Variants in FLNB observed in about 807,000 individuals in gnomAD.
FLNB encodes the protein filamin B, also known as filamin-B.
In FLNB, 111 loss-of-function variants were observed where a neutral mutation model predicts 250.6. The ratio of observed to expected loss-of-function variants is 0.44; its 90% CI spans 0.38 to 0.52. The LOEUF is 0.52. FLNB is among the 20% of genes least tolerant of loss of function. The pLI, the probability that FLNB is intolerant of heterozygous loss-of-function variation, is 0.00. For missense variants in FLNB, 2,869 were observed against 3,447.8 expected (o/e 0.83, Z 4.20); for synonymous variants, 1,302 against 1,372.1 (o/e 0.95, Z 1.13).
intron 8 of FLNB, among the ~76,000 whole-genome samples, chr3:58,101,236 C>T (rs565678376): frequency 4.6e-5 from 7 of 152,256 alleles, no homozygotes; most frequent in African/African-American, 1.2e-4. Context: ...AATTACCTTC[C>T]GTCTGTGGAG....
chr3:58,101,256 G>A (rs140437000), intron 8 of FLNB, among the ~76,000 whole-genome samples: 21 of 152,256 alleles, frequency 1.4e-4, no homozygotes, highest in East Asian at 1.9e-4. Flanking sequence ...GTAGAGTCCC[G>A]TCTTCTGGAG....
chr3:58,021,837 C>T (rs532154973), intron 1 of FLNB, among the ~76,000 whole-genome samples: 13 of 152,012 alleles, frequency 8.6e-5, no homozygotes, highest in Non-Finnish European at 1.2e-4. Context: ...TGCAGTGGTG[C>T]CATCACAGCT....
intron 35 of FLNB, 36 bp from the exon 36 acceptor site, chr3:58,148,613 A>T (rs2097339829): frequency 6.4e-7 from 1 of 1,563,370 alleles, no homozygotes; most frequent in African/African-American, 1.4e-5. Context: ...CCTCTCCGCC[A>T]TCCCCTTACA....
Position 58,157,649 on chromosome 3 carries a change from T to C in FLNB, c.6888+1574T>C, listed in dbSNP as rs374663453. Among the ~76,000 whole-genome samples, 46 of 152,318 alleles carry C rather than the reference T, an allele frequency of 3.0e-4. No individual in the cohort carries two copies. The South Asian group carries it at 4.1e-3, about 14-fold the overall frequency. ...CTTAACTAAAACCTACGGAGGGAGA[T>C]AAACCCAGCACTTATTGAGGGCAGG... On this transcript the variant is annotated intron_variant, in intron 41 of 45. Transcript: ENST00000295956.
chr3:58,016,774 T>C (rs2106693588), intron 1 of FLNB, among the ~76,000 whole-genome samples: 1 of 152,304 alleles, frequency 6.6e-6, no homozygotes, highest in East Asian at 1.9e-4. Flanking sequence ...GCTGGATCTG[T>C]AATTGTAACA....
chr3:58,148,784 A>T lies in FLNB; in HGVS notation c.6023A>T (p.Tyr2008Phe), dbSNP rs1386999602. 1 of 1,614,082 alleles carries T rather than the reference A, an allele frequency of 6.2e-7. No homozygotes were observed. Among genetic ancestry groups the T allele is most frequent in the Non-Finnish European group, 8.5e-7 (1 of 1,180,012 alleles). Residue 2008 changes from tyrosine to phenylalanine, a missense_variant, in exon 36 of 46, where the codon TAT becomes TTT. By Grantham distance (22) the Tyr-to-Phe change is conservative. This residue lies in a region of FLNB where 1,084 missense variants were observed against 1,315.5 expected (regional missense o/e 0.82). Coordinates refer to ENST00000295956, the MANE Select transcript of FLNB (RefSeq NM_001457.4). ...GGTGACGCCCGCCGAGCCAAAGTCT[A>T]TGGCCGCGGCCTGTCAGAAGGCCGG... is the stretch of plus-strand genomic sequence containing the variant. ...EIGDARRAKV[Y>F]GRGLSEGRTF...
intron 2 of FLNB, chr3:58,078,476 C>T: frequency 1.3e-6 from 2 of 1,536,114 alleles, no homozygotes; most frequent in Middle Eastern, 1.7e-4. Flanking sequence ...AATGGATAAT[C>T]CCCATCTTCA....
At chr3:58,124,939 A>T (rs1325503765) in intron 22 of FLNB, among the ~76,000 whole-genome samples, 1 of 152,010 alleles carries the variant, frequency 6.6e-6, no homozygotes, top group Admixed American at 6.6e-5. Context: ...CTTCTTGTGG[A>T]TGCCTGTTTC....
At chr3:58,041,556 C>T (rs1448959990) in intron 1 of FLNB, among the ~76,000 whole-genome samples, 1 of 152,148 alleles carries the variant, frequency 6.6e-6, no homozygotes, top group Non-Finnish European at 1.5e-5. Context: ...TGGGACTAGC[C>T]CATGAGCTGT....
chr3:58,149,743 T>A, intron 36 of FLNB, 107 bp from the exon 37 acceptor site: 6 of 1,420,052 alleles, frequency 4.2e-6, no homozygotes, highest in East Asian at 2.3e-5. Flanking sequence ...CTTTCTGCTA[T>A]GTAGAAATAG....
chr3:58,060,046 A>T (rs1038894622), intron 1 of FLNB, among the ~76,000 whole-genome samples: 7 of 152,176 alleles, frequency 4.6e-5, no homozygotes, highest in African/African-American at 1.4e-4. Flanking sequence ...GTTCCTCATA[A>T]AGCAGCTGTA....
chr3:58,067,340 A>G (rs1003142242), intron 1 of FLNB, among the ~76,000 whole-genome samples: 1 of 152,048 alleles, frequency 6.6e-6, no homozygotes, highest in African/African-American at 2.4e-5. Flanking sequence ...TATTAACTGA[A>G]CCCTTGACAC....
chr3:58,130,951 AG>A lies in FLNB; in HGVS notation c.4390+45del, dbSNP rs892832349. 7.6e-6 allele frequency: 12 copies of A among 1,575,118 alleles called. No homozygotes were observed. In the African/African-American group the frequency reaches 8.1e-5, roughly 11 times the overall value. On this transcript the variant is annotated intron_variant, in intron 25 of 45. Coordinates refer to ENST00000295956, the MANE Select transcript of FLNB (RefSeq NM_001457.4). ...CTTCCTGCAGACATTCATCTGCCCC[AG>A]GCAGGGGCAGCTGTAACCCAGAGCA...
At chr3:58,134,809 C>A (rs1489021065) in intron 27 of FLNB, 37 bp downstream of exon 27, 2 of 1,590,610 alleles carry the variant, frequency 1.3e-6, no homozygotes, top group Non-Finnish European at 8.6e-7. Context: ...AACCTTAATC[C>A]TAAGACTTAA....
chr3:58,078,612 C>A, intron 2 of FLNB, 105 bp from the exon 3 acceptor site: 1 of 1,514,160 alleles, frequency 6.6e-7, no homozygotes, highest in Non-Finnish European at 8.9e-7. Context: ...AGGAAAAAAT[C>A]ATTCTCTGAA....
chr3:58,071,466 A>G (rs537794146), intron 1 of FLNB, among the ~76,000 whole-genome samples: 20 of 151,728 alleles, frequency 1.3e-4, no homozygotes, highest in Non-Finnish European at 2.9e-4. Context: ...TTGAGTAGAG[A>G]CAGGGTTTCA....
intron 1 of FLNB, among the ~76,000 whole-genome samples, chr3:58,067,987 T>G (rs1341566058): frequency 6.6e-6 from 1 of 152,222 alleles, no homozygotes; most frequent in East Asian, 1.9e-4. Flanking sequence ...CCAGGTTCCT[T>G]CCCTCACCTT....
At chr3:58,122,128 C>T (rs1189020862) in intron 20 of FLNB, among the ~76,000 whole-genome samples, 1 of 144,544 alleles carries the variant, frequency 6.9e-6, no homozygotes, top group Non-Finnish European at 1.5e-5. Flanking sequence ...GAGATCACAC[C>T]ACTGCACTCC....
intron 45 of FLNB, among the ~76,000 whole-genome samples, chr3:58,170,042 A>G (rs999160694): frequency 1.5e-4 from 23 of 152,222 alleles, no homozygotes; most frequent in African/African-American, 5.3e-4. Flanking sequence ...TCTGGCATCC[A>G]GTACACCTGG....
Sources: gnomAD v4.1 joint callset for allele counts (sites outside exome capture counted in the v4.1 genomes callset) on GRCh38, gnomAD v4.1.1 for gene constraint, gnomAD v4.1.1 regional missense constraint, MANE v1.5 for transcripts, NCBI Gene and HGNC (gene_info 2026-07-23, HGNC 2026-07-21) for gene names.